DLG2: variants seen among roughly 807,000 people sequenced by gnomAD.
DLG2 encodes discs large MAGUK scaffold protein 2.
A neutral mutation model predicts 132.5 loss-of-function variants in DLG2; 45 were observed. That is an observed-to-expected ratio of 0.34 (90% CI 0.27 to 0.44). The LOEUF (loss-of-function observed/expected upper bound fraction) is 0.44, where lower values mean the gene tolerates loss of function less well. Ranked by LOEUF, DLG2 falls within the 20% of genes least tolerant of loss-of-function variation. The pLI, the probability that DLG2 is intolerant of heterozygous loss-of-function variation, is 1.00. For missense variants in DLG2, 1,045 were observed against 1,196.9 expected (o/e 0.87, Z 1.87); for synonymous variants, 424 against 419.6 (o/e 1.01, Z -0.13).
intron 6 of DLG2, among the ~76,000 whole-genome samples, chr11:85,104,550 G>A (rs1338381951): frequency 6.6e-6 from 1 of 151,800 alleles, no homozygotes; most frequent in Admixed American, 6.6e-5. Context: ...TAAGAGCTGG[G>A]AGGAGAATGG....
At chr11:84,244,800 T>A (rs2097281144) in intron 8 of DLG2, among the ~76,000 whole-genome samples, 1 of 152,196 alleles carries the variant, frequency 6.6e-6, no homozygotes, top group African/African-American at 2.4e-5. Flanking sequence ...ATCAGCAAAT[T>A]CTTCCAAAAT....
intron 4 of DLG2, among the ~76,000 whole-genome samples, chr11:85,155,589 G>T (rs1207949258): frequency 1.3e-5 from 2 of 152,012 alleles, no homozygotes; most frequent in Non-Finnish European, 2.9e-5. Flanking sequence ...CTCACTTTAG[G>T]CCAGGCACAA....
At chr11:83,864,106 T>C (rs78127897) in intron 16 of DLG2, among the ~76,000 whole-genome samples, 1,996 of 152,298 alleles carry the variant, frequency 0.013, 57 homozygotes, top group African/African-American at 0.045. Context: ...ACTCTTGATA[T>C]CAGCCCATGT....
chr11:83,920,724 T>C (rs1250554470), intron 15 of DLG2, among the ~76,000 whole-genome samples: 1 of 152,134 alleles, frequency 6.6e-6, no homozygotes, highest in Non-Finnish European at 1.5e-5. Context: ...CCCCATGAGA[T>C]TGATACTACA....
At chr11:84,339,003 T>C (rs2098501533) in intron 7 of DLG2, among the ~76,000 whole-genome samples, 1 of 152,208 alleles carries the variant, frequency 6.6e-6, no homozygotes, top group African/African-American at 2.4e-5. Flanking sequence ...CAGTGATGTC[T>C]GCACAGACTA....
chr11:83,627,304 C>A (rs890497486), intron 19 of DLG2, among the ~76,000 whole-genome samples: 2 of 151,500 alleles, frequency 1.3e-5, no homozygotes, highest in Non-Finnish European at 2.9e-5. Flanking sequence ...TGTGCTGCAC[C>A]CAGTTAACTC....
At chr11:83,633,941 A>G (rs942366782) in intron 18 of DLG2, among the ~76,000 whole-genome samples, 1 of 138,478 alleles carries the variant, frequency 7.2e-6, no homozygotes, top group African/African-American at 3.5e-5. Flanking sequence ...CTCAAAAACA[A>G]AAAGCAAAAA....
intron 16 of DLG2, among the ~76,000 whole-genome samples, chr11:83,834,731 T>C (rs1157582599): frequency 1.3e-5 from 2 of 152,190 alleles, no homozygotes; most frequent in African/African-American, 2.4e-5. Context: ...CTTGAGCCAA[T>C]AGTTCACTGA....
intron 3 of DLG2, among the ~76,000 whole-genome samples, chr11:85,436,632 G>T (rs1186424068): frequency 1.3e-5 from 2 of 152,134 alleles, no homozygotes; most frequent in African/African-American, 2.4e-5. Flanking sequence ...AGTCAGAATG[G>T]CAATTATTTA....
chr11:83,620,672 C>A (rs1435691824), intron 19 of DLG2, among the ~76,000 whole-genome samples: 1 of 151,470 alleles, frequency 6.6e-6, no homozygotes, highest in Non-Finnish European at 1.5e-5. Context: ...AGATCGAGAC[C>A]ATCCCGGCTA....
In DLG2 at chr11:85,508,126, T is replaced by G. The variant is rs189731634; in HGVS notation, c.40+90531A>C. 4.6e-5 allele frequency among the ~76,000 whole-genome samples: 7 copies of G among 152,298 alleles called. No homozygotes were observed. The East Asian group carries it at 1.4e-3, about 29-fold the overall frequency. On this transcript the variant is annotated intron_variant, in intron 3 of 27. Coordinates refer to ENST00000376104, the MANE Select transcript of DLG2 (RefSeq NM_001142699.3). ...TTCATCTAATCTTCTTTCAAGGTTT[T>G]TAGCTTATTTGCAATGGGTTCAAAT...
chr11:84,196,230 T>G (rs1019061969), intron 8 of DLG2, among the ~76,000 whole-genome samples: 2 of 152,214 alleles, frequency 1.3e-5, no homozygotes, highest in African/African-American at 4.8e-5. Context: ...GGAAGATAAC[T>G]GTCATAAAAC....
chr11:85,034,072 T>C (rs1427210290), intron 6 of DLG2, among the ~76,000 whole-genome samples: 1 of 144,716 alleles, frequency 6.9e-6, no homozygotes, highest in Non-Finnish European at 1.5e-5. Context: ...TCCTGAGATA[T>C]ATTAGATTTT....
At chr11:84,640,470 C>G (rs1334447944) in intron 6 of DLG2, 3 of 471,108 alleles carry the variant, frequency 6.4e-6, no homozygotes, top group Non-Finnish European at 1.1e-5. Flanking sequence ...TGCTTTGATT[C>G]AGCAAGCCAC....
At chr11:84,979,295 T>A (rs2055376587) in intron 6 of DLG2, among the ~76,000 whole-genome samples, 1 of 152,106 alleles carries the variant, frequency 6.6e-6, no homozygotes, top group Non-Finnish European at 1.5e-5. Context: ...GACCCAGCCA[T>A]CCCATTACTG....
At chr11:84,521,065 G>T (rs1448467339) in intron 7 of DLG2, among the ~76,000 whole-genome samples, 3 of 152,156 alleles carry the variant, frequency 2.0e-5, no homozygotes, top group Non-Finnish European at 2.9e-5. Context: ...TATCTCATCA[G>T]AATTTACACA....
chr11:84,566,869 A>G (rs982185762), intron 6 of DLG2, among the ~76,000 whole-genome samples: 1 of 152,214 alleles, frequency 6.6e-6, no homozygotes, highest in African/African-American at 2.4e-5. Flanking sequence ...AGTCTGCAGA[A>G]TGAAGAGGGT....
intron 8 of DLG2, among the ~76,000 whole-genome samples, chr11:84,192,594 G>C (rs1224021071): frequency 6.6e-6 from 1 of 152,120 alleles, no homozygotes; most frequent in Non-Finnish European, 1.5e-5. Context: ...GCTGGGCGTG[G>C]TGGCAGGCGC....
intron 9 of DLG2, among the ~76,000 whole-genome samples, chr11:84,114,827 A>T (rs1170245397): frequency 3.5e-4 from 49 of 140,276 alleles, no homozygotes; most frequent in Middle Eastern, 3.8e-3. Flanking sequence ...AAGCCTGGCT[A>T]TTTTTTTTTT....
Sources: gnomAD v4.1 joint callset for allele counts (sites outside exome capture counted in the v4.1 genomes callset) on GRCh38, gnomAD v4.1.1 for gene constraint, MANE v1.5 for transcripts, NCBI Gene and HGNC (gene_info 2026-07-23, HGNC 2026-07-21) for gene names.